Variants in LRFN5 observed in about 807,000 individuals in gnomAD.
LRFN5 encodes the protein leucine-rich repeat and fibronectin type-III domain-containing protein 5.
Under a neutral mutation model 45.6 loss-of-function variants are expected in LRFN5, and 24 were observed. The observed-to-expected ratio is 0.53, with a 90% CI of 0.38 to 0.74. The LOEUF (loss-of-function observed/expected upper bound fraction) is 0.74, where lower values mean the gene tolerates loss of function less well. LRFN5 is among the 30% of genes least tolerant of loss of function. LRFN5 has a pLI of 0.00. For synonymous variants in LRFN5, 340 were observed against 313.8 expected, an observed-to-expected ratio of 1.08 and a Z score of -0.88; for missense variants, 776 against 861.5, an observed-to-expected ratio of 0.90 and a Z score of 1.24.
chr14:41,753,148 A>G (rs1885213580), intron 1 of LRFN5, among the ~76,000 whole-genome samples: 1 of 151,740 alleles, frequency 6.6e-6, no homozygotes, highest in Non-Finnish European at 1.5e-5. Context: ...TACCAGTACC[A>G]TGCTGTTTTG....
intron 1 of LRFN5, among the ~76,000 whole-genome samples, chr14:41,710,100 A>G (rs556152455): frequency 2.0e-5 from 3 of 152,162 alleles, no homozygotes; most frequent in Non-Finnish European, 4.4e-5. Flanking sequence ...TAAATGTAGT[A>G]TAATTTACAG....
rs146147362 is a variant in LRFN5 at position 41,621,412 on chromosome 14, C to G, written c.-197+12850C>G. On this transcript the variant is annotated intron_variant, in intron 1 of 5. Transcript: ENST00000298119. The stretch of plus-strand genomic sequence containing the variant: ...TAAATGGAGTTAGCACTCACTGTTG[C>G]TGAATTGGTGCTATCAATAGTAATT... Among the ~76,000 whole-genome samples, 446 of 152,128 alleles carry G rather than the reference C, an allele frequency of 2.9e-3. 3 individuals are homozygous for G. The highest frequency in any genetic ancestry group is 5.1e-3 in the Non-Finnish European group (346 of 67,970).
intron 2 of LRFN5, among the ~76,000 whole-genome samples, chr14:41,771,835 C>T (rs558467045): frequency 1.3e-5 from 2 of 152,270 alleles, no homozygotes; most frequent in South Asian, 4.2e-4. Context: ...TGCCTGTTAC[C>T]CAGTTCCAAA....
At chr14:41,789,923 G>A (rs367970864) in intron 2 of LRFN5, among the ~76,000 whole-genome samples, 8 of 151,740 alleles carry the variant, frequency 5.3e-5, no homozygotes, top group South Asian at 2.1e-4. Flanking sequence ...TGTAATTATC[G>A]TTTTTTCTAC....
At chr14:41,755,432 T>C (rs981106623) in intron 1 of LRFN5, among the ~76,000 whole-genome samples, 1 of 152,236 alleles carries the variant, frequency 6.6e-6, no homozygotes, top group African/African-American at 2.4e-5. Flanking sequence ...GGACTTGCTT[T>C]ATGAATCTGG....
chr14:41,830,045 C>T (rs1224611086), intron 2 of LRFN5, among the ~76,000 whole-genome samples: 4 of 150,894 alleles, frequency 2.7e-5, no homozygotes, highest in Admixed American at 6.6e-5. Context: ...TAACTTTTGG[C>T]TTTATTTATC....
intron 1 of LRFN5, among the ~76,000 whole-genome samples, chr14:41,632,053 A>G (rs1412028330): frequency 1.3e-5 from 2 of 152,168 alleles, no homozygotes; most frequent in Admixed American, 6.5e-5. Flanking sequence ...ATGCTGATCA[A>G]GACTTAGTGG....
chr14:41,810,816 T>C (rs1271788283), intron 2 of LRFN5, among the ~76,000 whole-genome samples: 1 of 152,088 alleles, frequency 6.6e-6, no homozygotes, highest in Non-Finnish European at 1.5e-5. Context: ...GTCTTTTCTG[T>C]ACTGTCTTTC....
intron 2 of LRFN5, among the ~76,000 whole-genome samples, chr14:41,808,005 C>T (rs1177799303): frequency 1.3e-5 from 2 of 151,328 alleles, no homozygotes; most frequent in East Asian, 4.0e-4. Context: ...TTAAAATGTG[C>T]TGTTTAAAGT....
intron 2 of LRFN5, among the ~76,000 whole-genome samples, chr14:41,785,823 T>C (rs537422687): frequency 3.3e-5 from 5 of 152,160 alleles, no homozygotes; most frequent in Non-Finnish European, 7.4e-5. Context: ...ACATCCCTCA[T>C]ATACACAGTT....
intron 2 of LRFN5, among the ~76,000 whole-genome samples, chr14:41,812,830 G>A (rs1165597370): frequency 6.6e-6 from 1 of 152,034 alleles, no homozygotes; most frequent in African/African-American, 2.4e-5. Flanking sequence ...TTTCAGGAGA[G>A]AACAAGGCAG....
At chr14:41,615,951 T>G (rs1178257084) in intron 1 of LRFN5, among the ~76,000 whole-genome samples, 1 of 152,058 alleles carries the variant, frequency 6.6e-6, no homozygotes, top group African/African-American at 2.4e-5. Flanking sequence ...AACAATCAAA[T>G]TACACACTTT....
rs553814067 is a variant in LRFN5, at chr14:41,830,476, T to C, written c.-20-56130T>C. On this transcript the variant is annotated intron_variant, in intron 2 of 5. Transcript: ENST00000298119. ...ATACTGCTGTTTGATATATTGAATA[T>C]TGTGAAAGATTTATCTTTAGAGTAC... Among the ~76,000 whole-genome samples the C allele has an allele frequency of 9.1e-4, 139 of 152,302 alleles. 1 individual carries two copies. The highest frequency in any genetic ancestry group is 1.5e-3 in the Non-Finnish European group (102 of 68,016).
At chr14:41,854,688 G>A (rs1889391800) in intron 2 of LRFN5, among the ~76,000 whole-genome samples, 1 of 152,120 alleles carries the variant, frequency 6.6e-6, no homozygotes, top group African/African-American at 2.4e-5. Context: ...AGAAGAAATT[G>A]AGCAAATGTA....
At chr14:41,647,227 G>A (rs1025117341) in intron 1 of LRFN5, among the ~76,000 whole-genome samples, 3 of 151,760 alleles carry the variant, frequency 2.0e-5, no homozygotes, top group Non-Finnish European at 4.4e-5. Context: ...AAATTTTTTC[G>A]ATGTCACCAA....
Position 41,785,964 on chromosome 14 carries a change from G to A in LRFN5, c.-21+18935G>A, listed in dbSNP as rs558435974. 5.9e-5 allele frequency among the ~76,000 whole-genome samples: 9 copies of A among 152,194 alleles called. 1 individual carries two copies. In the South Asian group the frequency reaches 1.5e-3, roughly 25 times the overall value. On this transcript the variant is annotated intron_variant, in intron 2 of 5. Transcript: ENST00000298119. Reference sequence around the variant, plus strand: ...AGCTTTGCTAGCTTGCCCACTGCTCGCCTCCTGCTGTGTTAAACAGAACAG... The same window carrying A: ...AGCTTTGCTAGCTTGCCCACTGCTCACCTCCTGCTGTGTTAAACAGAACAG...
chr14:41,874,881 G>C (rs1477066594), intron 2 of LRFN5, among the ~76,000 whole-genome samples: 1 of 152,170 alleles, frequency 6.6e-6, no homozygotes, highest in African/African-American at 2.4e-5. Flanking sequence ...GTGGCAGCAA[G>C]AAGTGCTGAG....
At chr14:41,669,500 A>G (rs1054410392) in intron 1 of LRFN5, among the ~76,000 whole-genome samples, 11 of 152,038 alleles carry the variant, frequency 7.2e-5, no homozygotes, top group African/African-American at 2.4e-4. Context: ...TAGAAATTCA[A>G]ATTAAAGCAA....
At chr14:41,817,843 C>T (rs560712104) in intron 2 of LRFN5, among the ~76,000 whole-genome samples, 1 of 152,184 alleles carries the variant, frequency 6.6e-6, no homozygotes, top group Admixed American at 6.5e-5. Context: ...TCATGCTGAG[C>T]CTCCAGCAAT....
Sources: allele counts gnomAD v4.1 joint callset (sites outside exome capture counted in the v4.1 genomes callset), GRCh38; gene constraint gnomAD v4.1.1; transcripts MANE v1.5; gene names NCBI Gene and HGNC (gene_info 2026-07-23, HGNC 2026-07-21).